Variants in MLLT1 observed in about 807,000 individuals in gnomAD.
MLLT1 encodes MLLT1 super elongation complex subunit, also known as protein ENL.
In MLLT1, 11 loss-of-function variants were observed where a neutral mutation model predicts 55.1. That is an observed-to-expected ratio of 0.20 (90% CI 0.13 to 0.33). The LOEUF (loss-of-function observed/expected upper bound fraction) is 0.33. Among genes scored for constraint, MLLT1 ranks in the 10% least tolerant of loss-of-function variants. The probability of loss-of-function intolerance (pLI) is 1.00; values close to 1 mark genes in which losing one functional copy is unlikely to be tolerated. For synonymous variants in MLLT1, 323 were observed against 320.1 expected, an observed-to-expected ratio of 1.01 and a Z score of -0.10; for missense variants, 536 against 760.6, an observed-to-expected ratio of 0.70 and a Z score of 3.47.
At chr19:6,248,868 A>G (rs1447760588) in intron 3 of MLLT1, among the ~76,000 whole-genome samples, 1 of 152,186 alleles carries the variant, frequency 6.6e-6, no homozygotes, top group African/African-American at 2.4e-5. Flanking sequence ...GGGAGGTCCT[A>G]TGGGAATTCT....
intron 8 of MLLT1, among the ~76,000 whole-genome samples, chr19:6,214,307 G>GC (rs376731022): frequency 1.3e-5 from 2 of 152,178 alleles, no homozygotes; most frequent in East Asian, 1.9e-4. Flanking sequence ...GGGACACAAA[G>GC]CCCCCCAGCC....
At chr19:6,225,704 T>A (rs1315241440) in intron 5 of MLLT1, among the ~76,000 whole-genome samples, 1 of 152,002 alleles carries the variant, frequency 6.6e-6, no homozygotes, top group Non-Finnish European at 1.5e-5. Context: ...AGCTGGGGCC[T>A]CCAGGGGTCT....
chr19:6,213,800 GC>G lies in MLLT1; in HGVS notation c.1408-4del, dbSNP rs778775202. The G allele has an allele frequency of 1.9e-6, 3 of 1,613,334 alleles. No homozygotes were observed. The Admixed American group carries it at 5.0e-5, about 27-fold the overall frequency. ...TCGGGGCTCCTCCGGCCTGACACCT[GC>G]AGGGAACCCAGGTCTCTGCTGAGCT... is the stretch of plus-strand genomic sequence containing the variant. On this transcript the variant is annotated splice_polypyrimidine_tract_variant and splice_region_variant and intron_variant, in intron 9 of 11. Transcript: ENST00000252674.
chr19:6,241,500 C>T (rs190469461), intron 3 of MLLT1, among the ~76,000 whole-genome samples: 62 of 152,320 alleles, frequency 4.1e-4, no homozygotes, highest in South Asian at 1.4e-3. Context: ...ACATAATGGG[C>T]GCTTTCAATG....
At chr19:6,279,691 C>T (rs1163018349) in intron 1 of MLLT1, 82 bp downstream of exon 1, 2 of 146,972 alleles carry the variant, frequency 1.4e-5, no homozygotes, top group Non-Finnish European at 3.0e-5. Context: ...AGCGGGGAGG[C>T]CGGGACCGGG....
chr19:6,262,292 TA>T lies in MLLT1; in HGVS notation c.211del (p.Tyr71ThrfsTer3), dbSNP rs2091312141. On this transcript the variant is annotated frameshift_variant, in exon 3 of 12. Coordinates refer to ENST00000252674, the MANE Select transcript of MLLT1 (RefSeq NM_005934.4). LOFTEE classifies it high-confidence loss of function. The surrounding 1 kb of genome is among the most constrained non-coding windows in gnomAD (Gnocchi z 4.4). ...KPRRVCKEPP[Y>X]KVEESGYAGF... is the part of the protein sequence containing the mutation. ...AGCGTACCCCGACTCCTCTACTTTG[TA>T]GGGGGGCTCCTTGCACACTAAAAAG... 6.2e-7 allele frequency: 1 copy of T among 1,613,666 alleles called. No homozygotes were observed. Among genetic ancestry groups the T allele is most frequent in the Non-Finnish European group, 8.5e-7 (1 of 1,179,914 alleles).
Position 6,240,794 on chromosome 19 carries a change from T to C in MLLT1, c.277-10081A>G, listed in dbSNP as rs756274405. Among the ~76,000 whole-genome samples the C allele has an allele frequency of 5.9e-5, 9 of 152,114 alleles. No homozygotes were observed. Among genetic ancestry groups the C allele is most frequent in the Non-Finnish European group, 1.3e-4 (9 of 68,030 alleles). On this transcript the variant is annotated intron_variant, in intron 3 of 11. Transcript: ENST00000252674. The surrounding 1 kb of genome is among the most constrained non-coding windows in gnomAD (Gnocchi z 4.7). ...CCAGTTCCTACCCTGCGTCCTTCTG[T>C]GCTTCGCATTTCCGATAACCAGAAT... is the stretch of plus-strand genomic sequence containing the variant.
Position 6,229,965 on chromosome 19 carries a change from T to C in MLLT1, c.420+605A>G, listed in dbSNP as rs2090992709. Among the ~76,000 whole-genome samples, 1 of 152,086 alleles carries C rather than the reference T, an allele frequency of 6.6e-6. No individual in the cohort carries two copies. The highest frequency in any genetic ancestry group is 2.4e-5 in the African/African-American group (1 of 41,404). On this transcript the variant is annotated intron_variant, in intron 4 of 11. Transcript: ENST00000252674. This position sits in a 1 kb window ranked among gnomAD's most constrained non-coding sequence, Gnocchi z 5.2. ...CCCTGGGCCCTGAAGGTGGCATTGC[T>C]GTTCTGTGACCAGGCCTCAGCCTGC...
At position 6,222,531 on chromosome 19, in the gene MLLT1, C is replaced by T. The variant is rs754721344; in HGVS notation, c.700G>A (p.Gly234Ser). 6 of 1,600,374 alleles carry T rather than the reference C, an allele frequency of 3.7e-6. No homozygotes were observed. In the African/African-American group the frequency reaches 8.0e-5, roughly 21 times the overall value. ...KSSKDTSRKL[G>S]EGRLPKEEKA... ...TCCTCCTTGGGCAGCCGGCCCTCGC[C>T]CAGCTTCCGCGAGGTGTCCTTGGAG... Residue 234 changes from glycine to serine, a missense_variant, in exon 6 of 12, where the codon GGC becomes AGC. Physicochemically the swap from Gly to Ser is moderately conservative, Grantham distance 56. Coordinates refer to ENST00000252674, the MANE Select transcript of MLLT1 (RefSeq NM_005934.4). The surrounding 1 kb of genome is among the most constrained non-coding windows in gnomAD (Gnocchi z 4.1).
chr19:6,238,471 G>A (rs2091083632), intron 3 of MLLT1, among the ~76,000 whole-genome samples: 2 of 152,242 alleles, frequency 1.3e-5, no homozygotes. Context: ...ACCCCATGCA[G>A]GCTGGCGGCT....
At chr19:6,238,057 A>C (rs1353142506) in intron 3 of MLLT1, among the ~76,000 whole-genome samples, 1 of 152,230 alleles carries the variant, frequency 6.6e-6, no homozygotes, top group Non-Finnish European at 1.5e-5. Flanking sequence ...ATGAGCTATG[A>C]TCAGGCCACT....
intron 2 of MLLT1, among the ~76,000 whole-genome samples, chr19:6,267,677 A>C (rs2091359758): frequency 6.6e-6 from 1 of 152,206 alleles, no homozygotes; most frequent in Non-Finnish European, 1.5e-5. Context: ...TGCCGTCCCA[A>C]CCAGCCTGAT....
chr19:6,222,698 A>G lies in MLLT1; in HGVS notation c.547-14T>C. On this transcript the variant is annotated splice_polypyrimidine_tract_variant and intron_variant, in intron 5 of 11. Coordinates refer to ENST00000252674, the MANE Select transcript of MLLT1 (RefSeq NM_005934.4). This position sits in a 1 kb window ranked among gnomAD's most constrained non-coding sequence, Gnocchi z 4.1. Reference sequence around the variant, plus strand: ...CTTGTTGGCGTCCTGCAAGGCCAAGAGCAGGGAGGGCAAGGGGAGAGACAA... The same window carrying G: ...CTTGTTGGCGTCCTGCAAGGCCAAGGGCAGGGAGGGCAAGGGGAGAGACAA... The G allele has an allele frequency of 3.3e-6, 5 of 1,510,142 alleles. No individual in the cohort carries two copies. Among genetic ancestry groups the G allele is most frequent in the Non-Finnish European group, 4.4e-6 (5 of 1,133,020 alleles). The allele number at this position is 1,510,142 out of a possible 1,614,324, so 93.5% of individuals were successfully genotyped here. A position where few individuals can be genotyped will look rare whatever the true frequency, so the allele number is the denominator to read the frequency against.
Position 6,211,500 on chromosome 19 carries a change from G to C in MLLT1, c.*1542C>G. The C allele has an allele frequency of 1.7e-6, 1 of 592,960 alleles. No individual in the cohort carries two copies. The highest frequency in any genetic ancestry group is 2.2e-6 in the Non-Finnish European group (1 of 447,544). The allele number at this position is 592,960 out of a possible 1,614,324, so 36.7% of individuals were successfully genotyped here. A position where few individuals can be genotyped will look rare whatever the true frequency, so the allele number is the denominator to read the frequency against. On this transcript the variant is annotated 3_prime_UTR_variant, in exon 12 of 12. Coordinates refer to ENST00000252674, the MANE Select transcript of MLLT1 (RefSeq NM_005934.4). The surrounding 1 kb of genome is among the most constrained non-coding windows in gnomAD (Gnocchi z 4.6). ...AGAATCAGAGCAGGGACAAGATGAG[G>C]GACCTCAGGGAGGGACAGATGGAGC...
chr19:6,228,513 G>A (rs2090975073), intron 4 of MLLT1, among the ~76,000 whole-genome samples: 1 of 152,130 alleles, frequency 6.6e-6, no homozygotes, highest in African/African-American at 2.4e-5. Context: ...GACAAGACAC[G>A]GTCCTAAGGG....
intron 8 of MLLT1, among the ~76,000 whole-genome samples, chr19:6,214,609 T>TGTC (rs1350188287): frequency 2.0e-5 from 3 of 152,130 alleles, no homozygotes; most frequent in African/African-American, 7.2e-5. Flanking sequence ...GGGGCAGGTC[T>TGTC]TTGACCTCTG....
At position 6,230,523 on chromosome 19, in the gene MLLT1, G is replaced by A. The variant is rs150354346; in HGVS notation, c.420+47C>T. 8.7e-4 allele frequency: 1,403 copies of A among 1,604,578 alleles called. 16 individuals carry two copies. In the African/African-American group the frequency reaches 0.017, roughly 20 times the overall value. Reference sequence around the variant, plus strand: ...GGGCACAGACGGCCGCAGCAAAGTAGCCTCGGTGGAGCGGCCCCTTGGCGG... The same window carrying A: ...GGGCACAGACGGCCGCAGCAAAGTAACCTCGGTGGAGCGGCCCCTTGGCGG... On this transcript the variant is annotated intron_variant, in intron 4 of 11. Coordinates refer to ENST00000252674, the MANE Select transcript of MLLT1 (RefSeq NM_005934.4). The surrounding 1 kb of genome is among the most constrained non-coding windows in gnomAD (Gnocchi z 9.0).
In MLLT1 at chr19:6,212,530, C is replaced by G. The variant is rs953741730; in HGVS notation, c.*512G>C. On this transcript the variant is annotated 3_prime_UTR_variant, in exon 12 of 12. Coordinates refer to ENST00000252674, the MANE Select transcript of MLLT1 (RefSeq NM_005934.4). ...ATACAGCACAGACCCCAGCGCAGCG[C>G]GAGCCGGGGAGGAGCCGGCGCTAGG... 8 of 1,080,504 alleles carry G rather than the reference C, an allele frequency of 7.4e-6. No individual in the cohort carries two copies. Among genetic ancestry groups the G allele is most frequent in the Non-Finnish European group, 7.9e-6 (7 of 890,118 alleles). 66.9% of individuals were successfully genotyped at this position (1,080,504 alleles called of 1,614,324 possible).
At position 6,239,862 on chromosome 19, in the gene MLLT1, T is replaced by C. The variant is rs115766322; in HGVS notation, c.277-9149A>G. Among the ~76,000 whole-genome samples, 637 of 152,256 alleles carry C rather than the reference T, an allele frequency of 4.2e-3. 6 individuals carry two copies. The highest frequency in any genetic ancestry group is 0.015 in the African/African-American group (607 of 41,532). On this transcript the variant is annotated intron_variant, in intron 3 of 11. Transcript: ENST00000252674. ...ACTGTTTTGGCAGGACAAACATTGC[T>C]TATCATGGAGAGGATTTCAATTCCT...
Sources: gnomAD v4.1 joint callset for allele counts (sites outside exome capture counted in the v4.1 genomes callset) on GRCh38, gnomAD v4.1.1 for gene constraint, Gnocchi (gnomAD v3.1) non-coding constraint, MANE v1.5 for transcripts, NCBI Gene and HGNC (gene_info 2026-07-23, HGNC 2026-07-21) for gene names.